Variants in SMYD5 observed in about 807,000 individuals in gnomAD.
The protein encoded by SMYD5 is SMYD family member 5.
Under a neutral mutation model 57.4 loss-of-function variants are expected in SMYD5, and 35 were observed. The ratio of observed to expected loss-of-function variants is 0.61; its 90% CI spans 0.47 to 0.81. The LOEUF (loss-of-function observed/expected upper bound fraction) is 0.81. SMYD5 is among the 30% of genes least tolerant of loss of function. The pLI is 0.00. For missense variants in SMYD5, 471 were observed against 527.9 expected (o/e 0.89, Z 1.06); for synonymous variants, 198 against 189.7 (o/e 1.04, Z -0.36).
intron 9 of SMYD5, 76 bp downstream of exon 9, chr2:73,223,608 C>G (rs1188493329): frequency 6.8e-6 from 7 of 1,030,850 alleles, no homozygotes; most frequent in Non-Finnish European, 1.1e-5. Context: ...AAGTCTTTCC[C>G]CAGGGTGCTC....
chr2:73,216,521 A>G (rs1686295569), intron 1 of SMYD5, among the ~76,000 whole-genome samples: 1 of 151,714 alleles, frequency 6.6e-6, no homozygotes. Flanking sequence ...ACATGGTGAA[A>G]CCCCATCTGT....
rs1472339571 is a variant in SMYD5, at chr2:73,216,037, CA to C, written c.96+1676del. On this transcript the variant is annotated intron_variant, in intron 1 of 12. Transcript: ENST00000389501. ...AATTGGGTCATGAAACTATATAGACCAGGGGCCTCAAGTGGGAGTAGTTTTT... is the reference window on the plus strand; with the variant it reads ...AATTGGGTCATGAAACTATATAGACCGGGGCCTCAAGTGGGAGTAGTTTTT... Among the ~76,000 whole-genome samples, 18 of 152,148 alleles carry C rather than the reference CA, an allele frequency of 1.2e-4. No individual in the cohort carries two copies. In the Middle Eastern group the frequency reaches 0.017, roughly 144 times the overall value.
rs779205331 is a variant in SMYD5 at position 73,222,802 on chromosome 2, G to A, written c.690G>A (p.Glu230=). ...GACTCTTCACAGAGGCCCTCTATGAGGAAGCAGTCAGCCAGGTGAGTGAGG... is the reference window on the plus strand; with the variant it reads ...GACTCTTCACAGAGGCCCTCTATGAAGAAGCAGTCAGCCAGGTGAGTGAGG... ...LRRLFTEALY[E]EAVSQWFTPD... Residue 230 remains glutamate (E), a synonymous_variant, in exon 7 of 13, where the codon GAG becomes GAA. Coordinates refer to ENST00000389501, the MANE Select transcript of SMYD5 (RefSeq NM_006062.3). 4 of 1,613,928 alleles carry A rather than the reference G, an allele frequency of 2.5e-6. No individual in the cohort carries two copies. The highest frequency in any genetic ancestry group is 3.4e-6 in the Non-Finnish European group (4 of 1,179,884).
chr2:73,215,120 A>G (rs2103706030), intron 1 of SMYD5, among the ~76,000 whole-genome samples: 1 of 152,340 alleles, frequency 6.6e-6, no homozygotes, highest in East Asian at 1.9e-4. Flanking sequence ...TCACTCAACC[A>G]ACCCCTTATT....
chr2:73,219,938 T>A (rs1422298504), intron 2 of SMYD5, 113 bp from the exon 3 acceptor site: 1 of 1,317,894 alleles, frequency 7.6e-7, no homozygotes, highest in Admixed American at 1.7e-5. Flanking sequence ...TTCCAAACCT[T>A]TATGAAACAC....
Position 73,223,072 on chromosome 2 carries a change from C to G in SMYD5, c.742C>G (p.Leu248Val). ...AGATGGATTCCGGTCTCTCTTTGCT[C>G]TTGTTGGGACCAATGGCCAAGGAAT... is the stretch of plus-strand genomic sequence containing the variant. ...TPDGFRSLFA[L>V]VGTNGQGIGT... Residue 248 changes from leucine (L) to valine (V), a missense_variant, in exon 8 of 13, where the codon CTT (leucine) becomes GTT (valine). Transcript: ENST00000389501. 6.2e-7 allele frequency: 1 copy of G among 1,614,164 alleles called. No homozygotes were observed. Among genetic ancestry groups the G allele is most frequent in the Non-Finnish European group, 8.5e-7 (1 of 1,180,014 alleles).
rs369812985 is a variant in SMYD5 at position 73,222,958 on chromosome 2, G to A, written c.706-78G>A. 1.2e-4 allele frequency: 187 copies of A among 1,513,500 alleles called. No homozygotes were observed. In the African/African-American group the frequency reaches 2.3e-3, roughly 18 times the overall value. 93.8% of individuals were successfully genotyped at this position (1,513,500 alleles called of 1,614,324 possible). On this transcript the variant is annotated intron_variant, in intron 7 of 12. Coordinates refer to ENST00000389501, the MANE Select transcript of SMYD5 (RefSeq NM_006062.3). ...GTTCAGATGAGCCTGACTCACAGAA[G>A]GCTTCCCAAACAGAGAGTCCAATTG...
At chr2:73,215,432 AC>A (rs1465218915) in intron 1 of SMYD5, among the ~76,000 whole-genome samples, 1 of 151,938 alleles carries the variant, frequency 6.6e-6, no homozygotes, top group African/African-American at 2.4e-5. Context: ...TTCCAGCTCA[AC>A]CTTCCGTGCC....
At chr2:73,223,805 T>C in intron 9 of SMYD5, 142 bp from the exon 10 acceptor site, 1 of 805,552 alleles carries the variant, frequency 1.2e-6, no homozygotes, top group Non-Finnish European at 2.1e-6. Context: ...GAGAGGCAAG[T>C]TTAGGTAAGA....
At chr2:73,214,447 G>A (rs373298867) in intron 1 of SMYD5, 85 bp downstream of exon 1, 18 of 1,602,000 alleles carry the variant, frequency 1.1e-5, no homozygotes, top group East Asian at 6.7e-5. Context: ...CCGGAGCCCA[G>A]AGGCTTCTGT....
chr2:73,223,983 T>C lies in SMYD5; in HGVS notation c.920T>C (p.Leu307Pro), dbSNP rs774780316. 6.2e-7 allele frequency: 1 copy of C among 1,614,180 alleles called. No homozygotes were observed. The highest frequency in any genetic ancestry group is 8.5e-7 in the Non-Finnish European group (1 of 1,179,996). The change falls in exon 10 of 13, where the codon CTC (leucine) becomes CCC (proline). Residue 307 changes from leucine to proline, a missense_variant. Leu to Pro is a moderately conservative substitution (Grantham distance 98, BLOSUM62 -3). Coordinates refer to ENST00000389501, the MANE Select transcript of SMYD5 (RefSeq NM_006062.3). ...TTTCTTAACTGTGAAGGATCTGGCC[T>C]CTTTGTGCTTCAGAGCTGCTGTGAG... ...GEFLNCEGSG[L>P]FVLQSCCNHS...
chr2:73,226,141 T>A lies in SMYD5; in HGVS notation c.*195T>A, dbSNP rs1052751593. On this transcript the variant is annotated 3_prime_UTR_variant, in exon 13 of 13. Transcript: ENST00000389501. ...CCAGACCTCATGCCCTGGACACTGC[T>A]GCTGAGTTGGCTCAGACTCTGCACT... The A allele has an allele frequency of 6.3e-5, 46 of 730,030 alleles. No individual in the cohort carries two copies. Among genetic ancestry groups the A allele is most frequent in the Non-Finnish European group, 9.4e-5 (43 of 458,626 alleles). 45.2% of individuals were successfully genotyped at this position (730,030 alleles called of 1,614,324 possible). A position where few individuals can be genotyped will look rare whatever the true frequency, so the allele number is the denominator to read the frequency against.
rs1558553917 is a variant in SMYD5, at chr2:73,225,950, T to G, written c.*4T>G. The G allele has an allele frequency of 1.2e-6, 2 of 1,611,764 alleles. No homozygotes were observed. Among genetic ancestry groups the G allele is most frequent in the South Asian group, 1.1e-5 (1 of 90,778 alleles). On this transcript the variant is annotated 3_prime_UTR_variant, in exon 13 of 13. Coordinates refer to ENST00000389501, the MANE Select transcript of SMYD5 (RefSeq NM_006062.3). ...GGATGAGATGACTGATGTGTGATGT[T>G]GCCCTGCCCAGAAAGGGCCCTGCCC...
intron 1 of SMYD5, among the ~76,000 whole-genome samples, chr2:73,215,283 C>G (rs1259992282): frequency 1.3e-5 from 2 of 152,292 alleles, no homozygotes; most frequent in Non-Finnish European, 2.9e-5. Flanking sequence ...TATTTGTTCT[C>G]ATTTACGTTT....
chr2:73,223,913 G>T (rs1457497790), intron 9 of SMYD5, 34 bp from the exon 10 acceptor site: 5 of 1,601,822 alleles, frequency 3.1e-6, no homozygotes, highest in Non-Finnish European at 1.7e-6. Context: ...TTTAAAAATG[G>T]GTAGAATAAT....
At chr2:73,225,106 G>A in intron 11 of SMYD5, 146 bp downstream of exon 11, 1 of 623,798 alleles carries the variant, frequency 1.6e-6, no homozygotes, top group South Asian at 2.0e-5. Context: ...GAGTCTTTCA[G>A]CTCATGGTTA....
chr2:73,214,705 G>A (rs768350862), intron 1 of SMYD5: 21 of 1,377,488 alleles, frequency 1.5e-5, no homozygotes, highest in Middle Eastern at 2.0e-4. Flanking sequence ...AGAGAACTGA[G>A]GTGTAAAAGA....
At chr2:73,214,456 G>T in intron 1 of SMYD5, 94 bp downstream of exon 1, 1 of 1,588,602 alleles carries the variant, frequency 6.3e-7, no homozygotes, top group Non-Finnish European at 8.6e-7. Flanking sequence ...AGAGGCTTCT[G>T]TGCCGCTCGG....
In SMYD5 at chr2:73,220,198, T is replaced by C; in HGVS notation, c.345+8T>C. On this transcript the variant is annotated splice_region_variant and intron_variant, in intron 3 of 12. Coordinates refer to ENST00000389501, the MANE Select transcript of SMYD5 (RefSeq NM_006062.3). ...AACTGTCCCCATTGCCAAGTGAGTATTCTTGGGGAGTGTACCTGGAAGGGG... is the reference window on the plus strand; with the variant it reads ...AACTGTCCCCATTGCCAAGTGAGTACTCTTGGGGAGTGTACCTGGAAGGGG... The C allele has an allele frequency of 6.2e-7, 1 of 1,613,626 alleles. No homozygotes were observed. The highest frequency in any genetic ancestry group is 8.5e-7 in the Non-Finnish European group (1 of 1,179,634).
Sources: gnomAD v4.1 joint callset for allele counts (sites outside exome capture counted in the v4.1 genomes callset) on GRCh38, gnomAD v4.1.1 for gene constraint, MANE v1.5 for transcripts, NCBI Gene and HGNC (gene_info 2026-07-23, HGNC 2026-07-21) for gene names.